MMP16: variants seen among roughly 807,000 people sequenced by gnomAD.
MMP16 encodes the protein matrix metalloproteinase-16.
A neutral mutation model predicts 67.8 loss-of-function variants in MMP16; 12 were observed. The ratio of observed to expected loss-of-function variants is 0.18; its 90% CI spans 0.11 to 0.29. The LOEUF is 0.29. MMP16 is among the 10% of genes least tolerant of loss of function. The pLI is 1.00. For missense variants in MMP16, 475 were observed against 765.7 expected (o/e 0.62, Z 4.48); for synonymous variants, 249 against 255.9 (o/e 0.97, Z 0.26).
chr8:88,264,068 A>AGT lies in MMP16; in HGVS notation c.132+63005_132+63006dup, dbSNP rs71277993. 6.6e-3 allele frequency among the ~76,000 whole-genome samples: 926 copies of AGT among 141,308 alleles called. 15 individuals carry two copies. Among genetic ancestry groups the AGT allele is most frequent in the African/African-American group, 0.024 (881 of 37,398 alleles). 92.7% of individuals were successfully genotyped at this position (141,308 alleles called of 152,430 possible). Reference sequence around the variant, plus strand: ...TATATATATATATAGGGAGAGAGAGAGTGTGTGTGTGTGTGTGTGTGTGTG... The same window carrying AGT: ...TATATATATATATAGGGAGAGAGAGAGTGTGTGTGTGTGTGTGTGTGTGTGTG... On this transcript the variant is annotated intron_variant, in intron 1 of 9. Transcript: ENST00000286614.
At chr8:88,119,171 C>G (rs1394096170) in intron 4 of MMP16, among the ~76,000 whole-genome samples, 1 of 152,026 alleles carries the variant, frequency 6.6e-6, no homozygotes, top group Non-Finnish European at 1.5e-5. Flanking sequence ...AAATACTCTT[C>G]TAATTATGAA....
chr8:88,156,537 T>C (rs532846192), intron 4 of MMP16, among the ~76,000 whole-genome samples: 9 of 152,272 alleles, frequency 5.9e-5, no homozygotes, highest in African/African-American at 1.9e-4. Flanking sequence ...ATAGCTAGTG[T>C]TGTTTACATT....
At chr8:88,320,422 C>A (rs1405847685) in intron 1 of MMP16, among the ~76,000 whole-genome samples, 1 of 152,084 alleles carries the variant, frequency 6.6e-6, no homozygotes, top group African/African-American at 2.4e-5. Context: ...CACCTAGTCA[C>A]TACAATGTAT....
At chr8:88,069,322 A>G (rs539879301) in intron 7 of MMP16, 4 of 370,900 alleles carry the variant, frequency 1.1e-5, no homozygotes, top group Admixed American at 8.5e-5. Flanking sequence ...TACGAATGCA[A>G]TTGTAAATGG....
intron 6 of MMP16, among the ~76,000 whole-genome samples, chr8:88,109,531 C>A (rs555588128): frequency 6.6e-5 from 10 of 151,122 alleles, no homozygotes; most frequent in Admixed American, 3.3e-4. Flanking sequence ...GGGAATAATA[C>A]CAAGAATAAA....
chr8:88,130,627 G>A (rs141446509), intron 4 of MMP16, among the ~76,000 whole-genome samples: 420 of 151,772 alleles, frequency 2.8e-3, no homozygotes, highest in African/African-American at 9.6e-3. Context: ...TGAAAGGCCT[G>A]GGTTTTCGCT....
intron 1 of MMP16, among the ~76,000 whole-genome samples, chr8:88,272,121 T>G (rs1253673151): frequency 6.6e-6 from 1 of 152,186 alleles, no homozygotes; most frequent in Non-Finnish European, 1.5e-5. Context: ...TCCATGAATA[T>G]GTGCATGCGA....
intron 1 of MMP16, among the ~76,000 whole-genome samples, chr8:88,303,975 G>A (rs899346732): frequency 2.0e-5 from 3 of 152,216 alleles, no homozygotes; most frequent in African/African-American, 7.2e-5. Context: ...GTAGGCTTCA[G>A]AAGGTAGGTA....
At position 88,040,170 on chromosome 8, in the gene MMP16, G is replaced by A. The variant is rs769252682; in HGVS notation, c.*1291C>T. 2.6e-5 allele frequency: 4 copies of A among 152,474 alleles called. No individual in the cohort carries two copies. The South Asian group carries it at 6.2e-4, about 24-fold the overall frequency. 9.4% of individuals were successfully genotyped at this position (152,474 alleles called of 1,614,324 possible). On this transcript the variant is annotated 3_prime_UTR_variant, in exon 10 of 10. Coordinates refer to ENST00000286614, the MANE Select transcript of MMP16 (RefSeq NM_005941.5). ...GAAAAGAAGACTTAGGCTATTATCAGTTTTTCAAATAAAATTTCAGATTTA... is the reference window on the plus strand; with the variant it reads ...GAAAAGAAGACTTAGGCTATTATCAATTTTTCAAATAAAATTTCAGATTTA...
intron 6 of MMP16, among the ~76,000 whole-genome samples, chr8:88,096,526 T>C (rs889644985): frequency 8.6e-5 from 13 of 150,510 alleles, no homozygotes; most frequent in Admixed American, 8.0e-4. Context: ...TTTTTTTTTG[T>C]CTTTCGTGTT....
intron 1 of MMP16, among the ~76,000 whole-genome samples, chr8:88,231,067 A>G (rs778233716): frequency 2.6e-5 from 4 of 152,170 alleles, no homozygotes; most frequent in Non-Finnish European, 4.4e-5. Context: ...TATATATGTC[A>G]GTGTCCAATA....
At chr8:88,204,722 T>C (rs1809399488) in intron 1 of MMP16, among the ~76,000 whole-genome samples, 1 of 152,078 alleles carries the variant, frequency 6.6e-6, no homozygotes, top group Non-Finnish European at 1.5e-5. Context: ...GTAGAGATCA[T>C]AAAGCTGATA....
At chr8:88,296,843 TAA>T (rs35274247) in intron 1 of MMP16, among the ~76,000 whole-genome samples, 15 of 114,892 alleles carry the variant, frequency 1.3e-4, no homozygotes, top group East Asian at 9.0e-4. Context: ...AGACACTGCC[TAA>T]AAAAAAAAAA....
intron 1 of MMP16, among the ~76,000 whole-genome samples, chr8:88,285,730 C>G (rs1351791499): frequency 6.6e-6 from 1 of 152,112 alleles, no homozygotes; most frequent in Non-Finnish European, 1.5e-5. Flanking sequence ...ATTAATGTTG[C>G]AGTAAAATAT....
chr8:88,193,924 G>T (rs1029258352), intron 2 of MMP16, among the ~76,000 whole-genome samples: 5 of 151,450 alleles, frequency 3.3e-5, no homozygotes, highest in African/African-American at 4.8e-5. Context: ...GTATAATACA[G>T]ATTGCTCCAT....
At chr8:88,114,065 T>C (rs1280224547) in intron 6 of MMP16, among the ~76,000 whole-genome samples, 3 of 151,928 alleles carry the variant, frequency 2.0e-5, no homozygotes, top group Non-Finnish European at 4.4e-5. Flanking sequence ...CAAAAAAACT[T>C]TTCTGACTTT....
chr8:88,057,861 C>T (rs759138457), intron 7 of MMP16, among the ~76,000 whole-genome samples: 10 of 152,136 alleles, frequency 6.6e-5, no homozygotes, highest in Non-Finnish European at 1.0e-4. Context: ...GGATAAGAAA[C>T]CTGATCGCTA....
intron 1 of MMP16, among the ~76,000 whole-genome samples, chr8:88,204,312 A>G (rs943874315): frequency 4.6e-5 from 7 of 152,212 alleles, no homozygotes; most frequent in Non-Finnish European, 8.8e-5. Flanking sequence ...GCATTACAAA[A>G]TAAGGCTCAT....
chr8:88,083,133 T>A lies in MMP16; in HGVS notation c.1084-8390A>T, dbSNP rs192848094. Among the ~76,000 whole-genome samples the A allele has an allele frequency of 2.1e-3, 314 of 152,216 alleles. 5 individuals carry two copies. The highest frequency in any genetic ancestry group is 7.3e-3 in the African/African-American group (304 of 41,574). ...AAGAGTTTCAGAGTAAAAAAAGAGA[T>A]ATAAGTATGTTAATTAATGTTACAT... On this transcript the variant is annotated intron_variant, in intron 6 of 9. Transcript: ENST00000286614.
Sources: allele counts gnomAD v4.1 joint callset (sites outside exome capture counted in the v4.1 genomes callset), GRCh38; gene constraint gnomAD v4.1.1; transcripts MANE v1.5; gene names NCBI Gene and HGNC (gene_info 2026-07-23, HGNC 2026-07-21).